Variants in MYT1L observed in about 807,000 individuals in gnomAD.
The protein encoded by MYT1L is myelin transcription factor 1-like protein.
MYT1L carries 12 observed loss-of-function variants against 126.7 expected under a neutral mutation model. The ratio of observed to expected loss-of-function variants is 0.09; its 90% CI spans 0.06 to 0.15. The LOEUF is 0.15. Among genes scored for constraint, MYT1L ranks in the 10% least tolerant of loss-of-function variants. The pLI, the probability that MYT1L is intolerant of heterozygous loss-of-function variation, is 1.00. For missense variants in MYT1L, 979 were observed against 1,585.2 expected (o/e 0.62, Z 6.49); for synonymous variants, 541 against 604.2 (o/e 0.90, Z 1.53).
rs1348400248 is a variant in MYT1L, at chr2:2,160,583, T to C, written c.-304+12289A>G. Reference sequence around the variant, plus strand: ...TGACAACCTGGGCAACATGCGTCCCTGTGCTGCCAACTGTAAGGCTACAGA... The same window carrying C: ...TGACAACCTGGGCAACATGCGTCCCCGTGCTGCCAACTGTAAGGCTACAGA... On this transcript the variant is annotated intron_variant, in intron 3 of 24. Coordinates refer to ENST00000647738, the MANE Select transcript of MYT1L (RefSeq NM_001303052.2). Among the ~76,000 whole-genome samples the C allele has an allele frequency of 3.3e-5, 5 of 152,190 alleles. No homozygotes were observed. In the East Asian group the frequency reaches 9.6e-4, roughly 29 times the overall value.
intron 3 of MYT1L, among the ~76,000 whole-genome samples, chr2:2,131,962 G>A (rs1053976387): frequency 7.3e-6 from 1 of 136,634 alleles, no homozygotes; most frequent in Non-Finnish European, 1.5e-5. Flanking sequence ...AGGCTGAAGT[G>A]CAGTGGTGCG....
chr2:2,161,260 G>C (rs2087868424), intron 3 of MYT1L, among the ~76,000 whole-genome samples: 1 of 152,162 alleles, frequency 6.6e-6, no homozygotes, highest in Non-Finnish European at 1.5e-5. Flanking sequence ...ATATATTTGT[G>C]AGACCATATG....
intron 18 of MYT1L, among the ~76,000 whole-genome samples, chr2:1,876,084 C>G (rs2046868319): frequency 6.6e-6 from 1 of 152,344 alleles, no homozygotes; most frequent in South Asian, 2.1e-4. Flanking sequence ...TTGAAAGTCT[C>G]TTTGGCCGCC....
chr2:1,954,592 G>C (rs1162207617), intron 8 of MYT1L, among the ~76,000 whole-genome samples: 3 of 151,914 alleles, frequency 2.0e-5, no homozygotes, highest in Admixed American at 1.3e-4. Context: ...GCAACCACCG[G>C]GACAACATCA....
chr2:2,251,272 C>G (rs1180475909), intron 2 of MYT1L, among the ~76,000 whole-genome samples: 8 of 152,060 alleles, frequency 5.3e-5, no homozygotes, highest in Non-Finnish European at 7.4e-5. Flanking sequence ...GCCCATATTC[C>G]TTTTATTATT....
intron 13 of MYT1L, among the ~76,000 whole-genome samples, chr2:1,909,687 G>A (rs1336769511): frequency 2.0e-5 from 3 of 152,086 alleles, no homozygotes; most frequent in Admixed American, 6.6e-5. Flanking sequence ...TTTAACCTCC[G>A]CACTCTGGAT....
intron 3 of MYT1L, among the ~76,000 whole-genome samples, chr2:2,151,352 C>T (rs536379792): frequency 1.0e-3 from 157 of 152,168 alleles, no homozygotes; most frequent in African/African-American, 3.5e-3. Context: ...GTACATGCAG[C>T]TTACTTAGAA....
chr2:2,264,110 C>A lies in MYT1L; in HGVS notation c.-421+20294G>T, dbSNP rs1400363627. On this transcript the variant is annotated intron_variant, in intron 2 of 24. Coordinates refer to ENST00000647738, the MANE Select transcript of MYT1L (RefSeq NM_001303052.2). ...ATGGTGGCAGGGTTAGAATTTGAAC[C>A]TTGACTGACCCTGAAGCCCAAGTTC... Among the ~76,000 whole-genome samples the A allele has an allele frequency of 2.0e-5, 3 of 152,166 alleles. No homozygotes were observed. The East Asian group carries it at 5.8e-4, about 29-fold the overall frequency.
At chr2:2,148,321 T>C (rs759828507) in intron 3 of MYT1L, among the ~76,000 whole-genome samples, 8 of 152,204 alleles carry the variant, frequency 5.3e-5, no homozygotes, top group Non-Finnish European at 1.0e-4. Flanking sequence ...TAGATTCTCA[T>C]ATACAGCACA....
In MYT1L at chr2:1,801,188, A is replaced by AGTT. The variant is rs1254689839; in HGVS notation, c.3276+507_3276+508insAAC. 1 of 153,596 alleles carries AGTT rather than the reference A, an allele frequency of 6.5e-6. No homozygotes were observed. The highest frequency in any genetic ancestry group is 1.4e-5 in the Non-Finnish European group (1 of 69,232). The allele number at this position is 153,596 out of a possible 1,614,324, so 9.5% of individuals were successfully genotyped here. A position where few individuals can be genotyped will look rare whatever the true frequency, so the allele number is the denominator to read the frequency against. ...TTGTGGGCATGGAGGGGGTTAGGTG[A>AGTT]CCACAGCTGCTCTGCCAGCTGCCAC... On this transcript the variant is annotated intron_variant, in intron 23 of 24. Coordinates refer to ENST00000647738, the MANE Select transcript of MYT1L (RefSeq NM_001303052.2). The surrounding 1 kb of genome is among the most constrained non-coding windows in gnomAD (Gnocchi z 4.2).
At chr2:2,222,349 A>T (rs181402832) in intron 2 of MYT1L, among the ~76,000 whole-genome samples, 38 of 152,082 alleles carry the variant, frequency 2.5e-4, no homozygotes, top group African/African-American at 8.7e-4. Flanking sequence ...ACAATTAGCC[A>T]GGTGTGGTGG....
intron 2 of MYT1L, among the ~76,000 whole-genome samples, chr2:2,256,631 A>T (rs2094820276): frequency 6.6e-6 from 1 of 152,216 alleles, no homozygotes; most frequent in Non-Finnish European, 1.5e-5. Context: ...GTGCAGAGGG[A>T]ATTCGAAGAA....
chr2:1,941,732 T>C (rs1320778506), intron 9 of MYT1L, among the ~76,000 whole-genome samples: 1 of 152,232 alleles, frequency 6.6e-6, no homozygotes, highest in Non-Finnish European at 1.5e-5. Flanking sequence ...CATATGCATC[T>C]ATGTGTATAT....
chr2:2,328,482 T>A (rs1559693834), intron 1 of MYT1L, among the ~76,000 whole-genome samples: 1 of 152,222 alleles, frequency 6.6e-6, no homozygotes, highest in South Asian at 2.1e-4. Flanking sequence ...CCTTTAATAA[T>A]TTTTGTACAC....
intron 4 of MYT1L, among the ~76,000 whole-genome samples, chr2:2,037,443 A>ATT (rs60232195): frequency 5.6e-5 from 8 of 142,578 alleles, no homozygotes; most frequent in African/African-American, 1.5e-4. Flanking sequence ...GATTCAGTTG[A>ATT]TTTTTTTTTT....
intron 5 of MYT1L, among the ~76,000 whole-genome samples, chr2:1,991,081 C>T (rs1449966196): frequency 6.6e-6 from 1 of 152,178 alleles, no homozygotes; most frequent in Non-Finnish European, 1.5e-5. Flanking sequence ...CAAGGAAGAG[C>T]AGAGGAGCCA....
chr2:1,911,110 G>C (rs961001331), intron 12 of MYT1L, among the ~76,000 whole-genome samples: 1 of 152,164 alleles, frequency 6.6e-6, no homozygotes, highest in African/African-American at 2.4e-5. Context: ...TGACGCTGCG[G>C]ATGCTGCATC....
chr2:2,166,620 G>A (rs2089166902), intron 3 of MYT1L, among the ~76,000 whole-genome samples: 2 of 152,098 alleles, frequency 1.3e-5, no homozygotes. Context: ...GGCCAGTGAG[G>A]ATACATTAGA....
At chr2:2,114,590 A>G (rs1264085439) in intron 3 of MYT1L, among the ~76,000 whole-genome samples, 1 of 152,206 alleles carries the variant, frequency 6.6e-6, no homozygotes, top group Non-Finnish European at 1.5e-5. Context: ...TGCTTCTCTC[A>G]GGAGATAATA....
Sources: gnomAD v4.1 joint callset for allele counts (sites outside exome capture counted in the v4.1 genomes callset) on GRCh38, gnomAD v4.1.1 for gene constraint, Gnocchi (gnomAD v3.1) non-coding constraint, MANE v1.5 for transcripts, NCBI Gene and HGNC (gene_info 2026-07-23, HGNC 2026-07-21) for gene names.